WDR44: variants seen among roughly 807,000 people sequenced by gnomAD.
WDR44 encodes the protein WD repeat domain 44, also known as WD repeat-containing protein 44.
A neutral mutation model predicts 65.7 loss-of-function variants in WDR44; 9 were observed. The observed-to-expected ratio is 0.14, with a 90% CI of 0.08 to 0.24. WDR44 has a LOEUF of 0.24. Among genes scored for constraint, WDR44 ranks in the 10% least tolerant of loss-of-function variants. The probability of loss-of-function intolerance (pLI) is 1.00; values close to 1 mark genes in which losing one functional copy is unlikely to be tolerated. For synonymous variants in WDR44, 220 were observed against 235.2 expected (o/e 0.94, Z 0.59); for missense variants, 425 against 670.9 (o/e 0.63, Z 4.05).
At chrX:118,414,297 T>G (rs5956981) in intron 12 of WDR44, among the ~76,000 whole-genome samples, 13,905 of 101,554 alleles carry the variant, frequency 0.14, 2,328 homozygotes, top group African/African-American at 0.42. Context: ...GTTTTGTGTT[T>G]TTTTTTTTCC....
intron 14 of WDR44, among the ~76,000 whole-genome samples, chrX:118,438,797 G>GTTTTTTTGTTTTTTTTTTTTTT (rs1431508948): frequency 3.1e-5 from 2 of 64,071 alleles, no homozygotes; most frequent in African/African-American, 1.1e-4. Context: ...GTTCAGCCAT[G>GTTTTTTTGTTTTTTTTTTTTTT]TTTTTTTTTT....
intron 12 of WDR44, among the ~76,000 whole-genome samples, chrX:118,425,196 T>C (rs1358271695): frequency 2.7e-5 from 3 of 111,438 alleles, no homozygotes; most frequent in African/African-American, 9.8e-5. Context: ...AAGGAAAACA[T>C]AGAGATGTCG....
intron 1 of WDR44, among the ~76,000 whole-genome samples, chrX:118,348,437 G>A (rs978106293): frequency 1.8e-5 from 2 of 111,887 alleles, no homozygotes; most frequent in Non-Finnish European, 3.8e-5. Context: ...ACTGAAAAAG[G>A]TTTTTTTGGA....
In WDR44 at chrX:118,444,454, G is replaced by T; in HGVS notation, c.2607G>T (p.Glu869Asp). The change falls in exon 19 of 20, where the codon GAG becomes GAT. Residue 869 changes from glutamate (E) to aspartate (D), a missense_variant. Transcript: ENST00000254029. ...AATCTGAAAAATCAGAAGGGAACGA[G>T]AAAAGTGAAGATGCTGAAGTTTTGG... ...DVQSEKSEGN[E>D]KSEDAEVLDA... The T allele has an allele frequency of 8.3e-7, 1 of 1,211,046 alleles. No homozygotes were observed. Among genetic ancestry groups the T allele is most frequent in the Non-Finnish European group, 1.1e-6 (1 of 895,105 alleles).
intron 19 of WDR44, among the ~76,000 whole-genome samples, chrX:118,445,389 A>G (rs1280785500): frequency 8.9e-6 from 1 of 112,555 alleles, no homozygotes; most frequent in Non-Finnish European, 1.9e-5. Context: ...AAACTTCTTT[A>G]TTACCTGTCT....
intron 8 of WDR44, among the ~76,000 whole-genome samples, chrX:118,399,005 C>T (rs776807178): frequency 1.3e-3 from 145 of 111,994 alleles, no homozygotes; most frequent in Non-Finnish European, 2.4e-3. Context: ...TAGGTAGGTA[C>T]GAAAAGTGTT....
chrX:118,414,864 C>T (rs2057043308), intron 12 of WDR44, among the ~76,000 whole-genome samples: 1 of 111,472 alleles, frequency 9.0e-6, no homozygotes, highest in Non-Finnish European at 1.9e-5. Context: ...TTTGAATGCC[C>T]TTTATTTCTT....
chrX:118,379,291 T>C (rs2056693548), intron 2 of WDR44, among the ~76,000 whole-genome samples: 1 of 111,512 alleles, frequency 9.0e-6, no homozygotes, highest in Non-Finnish European at 1.9e-5. Context: ...TATGTATGTG[T>C]AATCTCAAAC....
In WDR44 at chrX:118,346,414, C is replaced by G; in HGVS notation, c.-90C>G. On this transcript the variant is annotated 5_prime_UTR_variant, in exon 1 of 20. Coordinates refer to ENST00000254029, the MANE Select transcript of WDR44 (RefSeq NM_019045.5). ...CTCGCCCGAGACCCACTTCCCCAGT[C>G]TCGCCCGGGTGGAGGTCGACGAGGA... The G allele has an allele frequency of 1.2e-6, 1 of 825,082 alleles. No homozygotes were observed. Among genetic ancestry groups the G allele is most frequent in the Non-Finnish European group, 1.8e-6 (1 of 550,707 alleles). The allele number at this position is 825,082 out of a possible 1,213,427, so 68.0% of individuals were successfully genotyped here. A position where few individuals can be genotyped will look rare whatever the true frequency, so the allele number is the denominator to read the frequency against.
At position 118,346,267 on chromosome X, in the gene WDR44, T is replaced by A; in HGVS notation, c.-237T>A. ...TCACTGGGAGCGGTGGCAGCAACAT[T>A]CCCTGGACCAACCGCCGCCTCTTCA... On this transcript the variant is annotated 5_prime_UTR_variant, in exon 1 of 20. Coordinates refer to ENST00000254029, the MANE Select transcript of WDR44 (RefSeq NM_019045.5). 1 of 411,644 alleles carries A rather than the reference T, an allele frequency of 2.4e-6. No individual in the cohort carries two copies. The highest frequency in any genetic ancestry group is 4.2e-6 in the Non-Finnish European group (1 of 237,223). The allele number at this position is 411,644 out of a possible 1,213,427, so 33.9% of individuals were successfully genotyped here.
chrX:118,373,924 A>C (rs1602883652), intron 1 of WDR44, among the ~76,000 whole-genome samples: 1 of 110,732 alleles, frequency 9.0e-6, no homozygotes, highest in African/African-American at 3.3e-5. Context: ...CCATTGTTTT[A>C]TTTTATTTTA....
intron 8 of WDR44, among the ~76,000 whole-genome samples, chrX:118,403,864 A>G (rs1348655126): frequency 2.7e-5 from 3 of 112,298 alleles, no homozygotes; most frequent in Middle Eastern, 9.3e-3. Context: ...AGAAGGGACA[A>G]GGGACCATCT....
chrX:118,354,025 T>A (rs1035659549), intron 1 of WDR44, among the ~76,000 whole-genome samples: 4 of 112,057 alleles, frequency 3.6e-5, no homozygotes, highest in Non-Finnish European at 7.5e-5. Context: ...GTCTTTTTTT[T>A]TATATTTATT....
intron 13 of WDR44, among the ~76,000 whole-genome samples, chrX:118,436,118 TA>T (rs2057252081): frequency 8.9e-6 from 1 of 112,358 alleles, no homozygotes; most frequent in East Asian, 2.8e-4. Context: ...CTAAGTCAGT[TA>T]CACTACCATC....
chrX:118,431,092 A>G (rs2057206371), intron 12 of WDR44, among the ~76,000 whole-genome samples: 1 of 111,315 alleles, frequency 9.0e-6, no homozygotes, highest in Non-Finnish European at 1.9e-5. Context: ...GTCCTCATTC[A>G]AGCCCTCATT....
chrX:118,372,564 T>C (rs769025214), intron 1 of WDR44, among the ~76,000 whole-genome samples: 1 of 111,028 alleles, frequency 9.0e-6, no homozygotes. Context: ...AATAAGCATT[T>C]AAAAAGCCTC....
chrX:118,412,729 A>G (rs2057022351), intron 12 of WDR44, among the ~76,000 whole-genome samples: 1 of 111,312 alleles, frequency 9.0e-6, no homozygotes, highest in Non-Finnish European at 1.9e-5. Context: ...TAATTTTTCC[A>G]TAAGTTATTG....
At chrX:118,353,873 A>G (rs2056435751) in intron 1 of WDR44, among the ~76,000 whole-genome samples, 2 of 112,541 alleles carry the variant, frequency 1.8e-5, no homozygotes, top group African/African-American at 3.2e-5. Flanking sequence ...AATGATTTCT[A>G]TAGGTTGTAG....
rs189008270 is a variant in WDR44 at position 118,409,765 on chromosome X, C to T, written c.1672+138C>T. ...GCCAAAAACTTGAAAGTAAGACAGA[C>T]GTCAGTGGCAAAAAGTCTCTAAACC... On this transcript the variant is annotated intron_variant, in intron 11 of 19. Transcript: ENST00000254029. The T allele has an allele frequency of 4.1e-4, 235 of 579,480 alleles. 1 individual carries two copies. In the East Asian group the frequency reaches 4.5e-3, roughly 11 times the overall value. The allele number at this position is 579,480 out of a possible 1,213,427, so 47.8% of individuals were successfully genotyped here.
Sources: allele counts gnomAD v4.1 joint callset (sites outside exome capture counted in the v4.1 genomes callset), GRCh38; gene constraint gnomAD v4.1.1; transcripts MANE v1.5; gene names NCBI Gene and HGNC (gene_info 2026-07-23, HGNC 2026-07-21).